EML4: variants seen among roughly 807,000 people sequenced by gnomAD.
EML4 encodes the protein EMAP like 4.
A neutral mutation model predicts 129.0 loss-of-function variants in EML4; 72 were observed. The ratio of observed to expected loss-of-function variants is 0.56; its 90% CI spans 0.46 to 0.68. The LOEUF is 0.68. EML4 is among the 30% of genes least tolerant of loss of function. EML4 has a pLI of 0.00. For synonymous variants in EML4, 532 were observed against 405.0 expected (o/e 1.31, Z -3.77); for missense variants, 1,363 against 1,190.6 (o/e 1.14, Z -2.13).
At chr2:42,328,313 T>C (rs1363689730) in intron 21 of EML4, among the ~76,000 whole-genome samples, 1 of 152,210 alleles carries the variant, frequency 6.6e-6, no homozygotes, top group Non-Finnish European at 1.5e-5. Flanking sequence ...TGCATAATGA[T>C]TCAGAATAAT....
Position 42,330,379 on chromosome 2 carries a change from A to C in EML4, c.*172A>C. 1.4e-6 allele frequency: 1 copy of C among 704,694 alleles called. No individual in the cohort carries two copies. The highest frequency in any genetic ancestry group is 1.5e-5 in the South Asian group (1 of 65,150). The allele number at this position is 704,694 out of a possible 1,614,324, so 43.7% of individuals were successfully genotyped here. ...CAGTCTCTCAAATACAGCCAACTTAAAGTTTTAGTTTGGTGTTTATTGAAA... is the reference window on the plus strand; with the variant it reads ...CAGTCTCTCAAATACAGCCAACTTACAGTTTTAGTTTGGTGTTTATTGAAA... On this transcript the variant is annotated 3_prime_UTR_variant, in exon 23 of 23. Coordinates refer to ENST00000318522, the MANE Select transcript of EML4 (RefSeq NM_019063.5).
chr2:42,294,511 C>T (rs1471958778), intron 11 of EML4, among the ~76,000 whole-genome samples: 2 of 152,172 alleles, frequency 1.3e-5, no homozygotes, highest in Non-Finnish European at 2.9e-5. Flanking sequence ...GCCTAGCCAA[C>T]ATGGTGAAAC....
intron 19 of EML4, among the ~76,000 whole-genome samples, chr2:42,321,167 A>G (rs922423548): frequency 7.5e-5 from 6 of 79,986 alleles, no homozygotes; most frequent in Non-Finnish European, 1.4e-4. Context: ...GCGGATCACA[A>G]GGTCAAGAGA....
intron 1 of EML4, among the ~76,000 whole-genome samples, chr2:42,234,006 T>C (rs1184069522): frequency 2.0e-5 from 3 of 152,268 alleles, no homozygotes; most frequent in African/African-American, 7.2e-5. Flanking sequence ...ATAATTTTAG[T>C]GAATATTTGC....
chr2:42,198,241 G>C (rs1231760830), intron 1 of EML4, among the ~76,000 whole-genome samples: 1 of 152,128 alleles, frequency 6.6e-6, no homozygotes, highest in Non-Finnish European at 1.5e-5. Context: ...TTGGTTGGTA[G>C]AGATGTGAAT....
At chr2:42,274,773 A>G (rs572828242) in intron 6 of EML4, among the ~76,000 whole-genome samples, 2 of 152,224 alleles carry the variant, frequency 1.3e-5, no homozygotes, top group Non-Finnish European at 2.9e-5. Context: ...TCGGAGTATC[A>G]GATGGCCTAA....
chr2:42,201,941 G>A (rs561468670), intron 1 of EML4, among the ~76,000 whole-genome samples: 2 of 152,098 alleles, frequency 1.3e-5, no homozygotes, highest in Non-Finnish European at 2.9e-5. Context: ...AAATTAGCCG[G>A]GTGTGGTGCT....
At chr2:42,307,392 AT>A (rs1267524858) in intron 17 of EML4, among the ~76,000 whole-genome samples, 1 of 152,210 alleles carries the variant, frequency 6.6e-6, no homozygotes. Flanking sequence ...CTGGCAGTCC[AT>A]TTGGGGATTG....
At chr2:42,210,686 C>T (rs149468638) in intron 1 of EML4, among the ~76,000 whole-genome samples, 1,558 of 152,156 alleles carry the variant, frequency 0.01, 30 homozygotes, top group African/African-American at 0.036. Flanking sequence ...GGATATTTTG[C>T]ACTTTGGGTT....
chr2:42,207,434 A>G (rs1243505798), intron 1 of EML4, among the ~76,000 whole-genome samples: 1 of 152,086 alleles, frequency 6.6e-6, no homozygotes, highest in Non-Finnish European at 1.5e-5. Flanking sequence ...ATACCTTTTC[A>G]CTTATTGGTA....
At chr2:42,290,834 G>C (rs931986632) in intron 11 of EML4, among the ~76,000 whole-genome samples, 2 of 152,120 alleles carry the variant, frequency 1.3e-5, no homozygotes, top group African/African-American at 2.4e-5. Context: ...CATAATCATG[G>C]ATAGGAGACG....
At chr2:42,287,470 C>A (rs929696268) in intron 10 of EML4, among the ~76,000 whole-genome samples, 1 of 152,104 alleles carries the variant, frequency 6.6e-6, no homozygotes, top group Admixed American at 6.6e-5. Context: ...CCAATTTAGG[C>A]TAAGAGATAA....
chr2:42,251,818 C>G (rs896931436), intron 2 of EML4, among the ~76,000 whole-genome samples: 14 of 152,270 alleles, frequency 9.2e-5, no homozygotes, highest in African/African-American at 2.9e-4. Context: ...TGAAAATGAT[C>G]TATTTTTTGG....
intron 1 of EML4, among the ~76,000 whole-genome samples, chr2:42,226,906 A>C (rs919189054): frequency 6.6e-6 from 1 of 152,130 alleles, no homozygotes; most frequent in Non-Finnish European, 1.5e-5. Context: ...ATGAGATTAA[A>C]AAATAAAAGA....
chr2:42,229,127 A>C (rs10175378), intron 1 of EML4, among the ~76,000 whole-genome samples: 18,529 of 152,082 alleles, frequency 0.12, 1,158 homozygotes, highest in East Asian at 0.18. Context: ...AAGGTGATCT[A>C]GGTGTGGGTT....
At chr2:42,260,736 C>T (rs999721518) in intron 3 of EML4, among the ~76,000 whole-genome samples, 1 of 152,248 alleles carries the variant, frequency 6.6e-6, no homozygotes, top group Middle Eastern at 3.4e-3. Context: ...ACCTATTAAA[C>T]ATGAATATTT....
chr2:42,171,011 G>T (rs1325522692), intron 1 of EML4, among the ~76,000 whole-genome samples: 1 of 152,202 alleles, frequency 6.6e-6, no homozygotes, highest in Admixed American at 6.5e-5. Flanking sequence ...TGCTTTCAGA[G>T]TGGAAATCCT....
In EML4 at chr2:42,330,314, T is replaced by C. The variant is rs543396400; in HGVS notation, c.*107T>C. 19 of 1,029,628 alleles carry C rather than the reference T, an allele frequency of 1.8e-5. No individual in the cohort carries two copies. In the East Asian group the frequency reaches 4.8e-4, roughly 26 times the overall value. The allele number at this position is 1,029,628 out of a possible 1,614,324, so 63.8% of individuals were successfully genotyped here. A position where few individuals can be genotyped will look rare whatever the true frequency, so the allele number is the denominator to read the frequency against. On this transcript the variant is annotated 3_prime_UTR_variant, in exon 23 of 23. Transcript: ENST00000318522. ...GGAGAATCACTGTTGATTGAGATTTTGGTTTCCATGTGATTTGTTTTCTTC... is the reference window on the plus strand; with the variant it reads ...GGAGAATCACTGTTGATTGAGATTTCGGTTTCCATGTGATTTGTTTTCTTC...
intron 1 of EML4, among the ~76,000 whole-genome samples, chr2:42,177,146 T>C (rs918691923): frequency 1.3e-5 from 2 of 152,174 alleles, no homozygotes; most frequent in South Asian, 4.1e-4. Flanking sequence ...GAAACTCTCA[T>C]GTGTCTTTGA....
Sources: allele counts gnomAD v4.1 joint callset (sites outside exome capture counted in the v4.1 genomes callset), GRCh38; gene constraint gnomAD v4.1.1; transcripts MANE v1.5; gene names NCBI Gene and HGNC (gene_info 2026-07-23, HGNC 2026-07-21).